Variants in DMD observed in about 807,000 individuals in gnomAD.
The protein encoded by DMD is dystrophin.
In DMD, 63 loss-of-function variants were observed where a neutral mutation model predicts 330.1. The ratio of observed to expected loss-of-function variants is 0.19; its 90% CI spans 0.16 to 0.24. The LOEUF (loss-of-function observed/expected upper bound fraction) is 0.24, where lower values mean the gene tolerates loss of function less well. DMD is among the 10% of genes least tolerant of loss of function. DMD has a pLI of 1.00. For missense variants in DMD, 3,344 were observed against 2,684.1 expected (o/e 1.25, Z -5.43); for synonymous variants, 1,223 against 959.8 (o/e 1.27, Z -5.07).
At chrX:33,119,238 T>TTA (rs1328091943) in intron 1 of DMD, among the ~76,000 whole-genome samples, 41 of 111,291 alleles carry the variant, frequency 3.7e-4, no homozygotes, top group East Asian at 5.6e-4. Flanking sequence ...TATATATGTT[T>TTA]TATATATATA....
At chrX:32,784,820 T>G (rs1028553347) in intron 7 of DMD, among the ~76,000 whole-genome samples, 1 of 111,702 alleles carries the variant, frequency 9.0e-6, no homozygotes, top group African/African-American at 3.2e-5. Context: ...TTAAAAAATA[T>G]TCTCTGAATT....
At chrX:31,524,384 C>T (rs1276711901) in intron 55 of DMD, among the ~76,000 whole-genome samples, 1 of 111,583 alleles carries the variant, frequency 9.0e-6, no homozygotes, top group Admixed American at 9.6e-5. Context: ...TCATCCTGGG[C>T]ACATTTACAG....
At chrX:32,136,905 A>T (rs6631502) in intron 44 of DMD, among the ~76,000 whole-genome samples, 52,828 of 108,165 alleles carry the variant, frequency 0.49, 10,078 homozygotes, top group East Asian at 0.71. Context: ...ATTTACCTTA[A>T]GCTAGATGAC....
intron 1 of DMD, among the ~76,000 whole-genome samples, chrX:33,127,875 A>T (rs2095474929): frequency 1.8e-5 from 2 of 111,595 alleles, no homozygotes; most frequent in African/African-American, 3.3e-5. Context: ...TTAAAGCCAC[A>T]ACCCAAAAAG....
intron 59 of DMD, among the ~76,000 whole-genome samples, chrX:31,446,322 T>C (rs2065265837): frequency 8.9e-6 from 1 of 111,985 alleles, no homozygotes; most frequent in Admixed American, 9.5e-5. Context: ...ATAACGAAAA[T>C]GTTCTGGTAT....
intron 1 of DMD, among the ~76,000 whole-genome samples, chrX:33,082,273 C>A (rs1376273878): frequency 8.9e-6 from 1 of 111,864 alleles, no homozygotes; most frequent in Non-Finnish European, 1.9e-5. Flanking sequence ...TCTTTTAGAT[C>A]TCTTATTACC....
At chrX:31,508,358 G>A in intron 55 of DMD, 1 of 848,607 alleles carries the variant, frequency 1.2e-6, no homozygotes, top group Non-Finnish European at 1.7e-6. Flanking sequence ...TTGACAGAAT[G>A]AATTTTGGAG....
At chrX:32,278,339 C>A (rs1164903176) in intron 43 of DMD, among the ~76,000 whole-genome samples, 4 of 111,235 alleles carry the variant, frequency 3.6e-5, no homozygotes, top group Non-Finnish European at 7.5e-5. Context: ...TAAAGAAAAG[C>A]TTGGGACCCG....
chrX:32,302,589 T>C (rs1489411453), intron 42 of DMD, among the ~76,000 whole-genome samples: 1 of 111,712 alleles, frequency 9.0e-6, no homozygotes, highest in Non-Finnish European at 1.9e-5. Context: ...TAACATTTTA[T>C]TTACAGTTTT....
chrX:32,203,040 C>T, intron 44 of DMD, among the ~76,000 whole-genome samples: 1 of 111,594 alleles, frequency 9.0e-6, no homozygotes, highest in Non-Finnish European at 1.9e-5. Flanking sequence ...ATGTCCTTTG[C>T]AAAGTTTTCC....
intron 11 of DMD, among the ~76,000 whole-genome samples, chrX:32,616,241 T>G (rs778346148): frequency 9.0e-6 from 1 of 110,913 alleles, no homozygotes; most frequent in East Asian, 2.9e-4. Flanking sequence ...AAGTTACTCT[T>G]TCCCCCTCTT....
intron 26 of DMD, among the ~76,000 whole-genome samples, chrX:32,450,946 A>T (rs2098327650): frequency 2.7e-5 from 3 of 111,234 alleles, no homozygotes; most frequent in African/African-American, 9.8e-5. Flanking sequence ...TGAGGAAAGA[A>T]GATGATGATG....
chrX:32,753,380 G>A (rs1053090044), intron 7 of DMD, among the ~76,000 whole-genome samples: 1 of 111,925 alleles, frequency 8.9e-6, no homozygotes, highest in African/African-American at 3.2e-5. Context: ...GCCCATAGGA[G>A]GTGCTTAATG....
In DMD at chrX:32,660,994, C is replaced by A. The variant is rs775434799; in HGVS notation, c.961-15842G>T. 3.6e-5 allele frequency among the ~76,000 whole-genome samples: 4 copies of A among 111,109 alleles called. No homozygotes were observed. The South Asian group carries it at 1.5e-3, about 41-fold the overall frequency. ...AAACGCTAATAAATAAGAGAGAGGC[C>A]TGACATTATGCATCCTATTAAGGAT... is the stretch of plus-strand genomic sequence containing the variant. On this transcript the variant is annotated intron_variant, in intron 9 of 78. Coordinates refer to ENST00000357033, the MANE Select transcript of DMD (RefSeq NM_004006.3).
chrX:33,023,942 A>G (rs369455337), intron 1 of DMD, among the ~76,000 whole-genome samples: 19 of 111,847 alleles, frequency 1.7e-4, no homozygotes, highest in African/African-American at 6.1e-4. Flanking sequence ...CCAAGTGGTC[A>G]TATGCCTTTT....
chrX:32,782,907 C>A (rs1260450185), intron 7 of DMD, among the ~76,000 whole-genome samples: 2 of 104,043 alleles, frequency 1.9e-5, no homozygotes, highest in Non-Finnish European at 3.9e-5. Flanking sequence ...ACATATATAT[C>A]ATATATACAC....
At chrX:31,218,325 A>G (rs1302719220) in intron 64 of DMD, among the ~76,000 whole-genome samples, 2 of 109,378 alleles carry the variant, frequency 1.8e-5, no homozygotes, top group Middle Eastern at 4.2e-3. Context: ...ACCAGTGCCT[A>G]ATTACTCCTT....
rs375957170 is a variant in DMD, at chrX:31,474,700, C to G, written c.8937+3406G>C. ...CTCCAGCCTGGGTGACAGAGCGAGA[C>G]TGTCGCAAAAAAAAAATAAAATAAA... On this transcript the variant is annotated intron_variant, in intron 59 of 78. Transcript: ENST00000357033. Among the ~76,000 whole-genome samples the G allele has an allele frequency of 8.7e-5, 8 of 92,451 alleles. No homozygotes were observed. In the East Asian group the frequency reaches 2.1e-3, roughly 24 times the overall value. The allele number at this position is 92,451 out of a possible 115,157, so 80.3% of individuals were successfully genotyped here.
intron 61 of DMD, among the ~76,000 whole-genome samples, chrX:31,344,324 T>C (rs1420919297): frequency 4.5e-5 from 5 of 111,755 alleles, no homozygotes; most frequent in Non-Finnish European, 9.4e-5. Context: ...ATAAAAAGGA[T>C]ATTAGCCATA....
Sources: allele counts gnomAD v4.1 joint callset (sites outside exome capture counted in the v4.1 genomes callset), GRCh38; gene constraint gnomAD v4.1.1; transcripts MANE v1.5; gene names NCBI Gene and HGNC (gene_info 2026-07-23, HGNC 2026-07-21).